The following SPAG16 variants were observed in gnomAD, a reference collection of about 807,000 sequenced individuals.
The protein encoded by SPAG16 is sperm-associated antigen 16 protein.
A neutral mutation model predicts 80.4 loss-of-function variants in SPAG16; 86 were observed. The ratio of observed to expected loss-of-function variants is 1.07; its 90% CI spans 0.90 to 1.28. SPAG16 has a LOEUF of 1.28. Among genes scored for constraint, SPAG16 ranks in the 50% most tolerant of loss-of-function variants. The probability of loss-of-function intolerance (pLI) is 0.00; values close to 1 mark genes in which losing one functional copy is unlikely to be tolerated. For synonymous variants in SPAG16, 294 were observed against 265.9 expected, an observed-to-expected ratio of 1.11 and a Z score of -1.03; for missense variants, 870 against 765.3, an observed-to-expected ratio of 1.14 and a Z score of -1.61.
chr2:214,249,921 T>G (rs1416814392), intron 15 of SPAG16: 1 of 152,190 alleles, frequency 6.6e-6, no homozygotes, highest in East Asian at 1.9e-4. Flanking sequence ...AAGTTTATTT[T>G]TCACTCACGT....
intron 10 of SPAG16, among the ~76,000 whole-genome samples, chr2:213,718,692 T>C (rs879146808): frequency 6.6e-6 from 1 of 152,212 alleles, no homozygotes; most frequent in African/African-American, 2.4e-5. Context: ...ACCTGCGCTG[T>C]GCTCGATTTC....
At chr2:213,645,106 G>A (rs13008301) in intron 10 of SPAG16, among the ~76,000 whole-genome samples, 49,416 of 151,992 alleles carry the variant, frequency 0.33, 8,470 homozygotes, top group Middle Eastern at 0.47. Context: ...TCCAAAGGCA[G>A]AGGAGCCTCA....
chr2:213,582,197 A>C (rs2060320203), intron 10 of SPAG16, among the ~76,000 whole-genome samples: 1 of 152,160 alleles, frequency 6.6e-6, no homozygotes, highest in Non-Finnish European at 1.5e-5. Context: ...GATACTATCC[A>C]AAACTTTTTC....
intron 11 of SPAG16, among the ~76,000 whole-genome samples, chr2:213,914,337 T>G (rs910521263): frequency 3.9e-5 from 6 of 152,164 alleles, no homozygotes; most frequent in Admixed American, 3.3e-4. Context: ...TTTATACTTC[T>G]GTAAAAATCT....
intron 12 of SPAG16, among the ~76,000 whole-genome samples, chr2:213,947,359 C>T (rs189786311): frequency 2.0e-4 from 31 of 152,244 alleles, no homozygotes; most frequent in African/African-American, 7.0e-4. Context: ...GCATTTATTA[C>T]TATCAGTATT....
At chr2:213,527,714 T>G (rs532824718) in intron 10 of SPAG16, among the ~76,000 whole-genome samples, 2 of 152,228 alleles carry the variant, frequency 1.3e-5, no homozygotes, top group East Asian at 3.9e-4. Flanking sequence ...GACAACAATT[T>G]AAGTGAAACG....
intron 9 of SPAG16, among the ~76,000 whole-genome samples, chr2:213,387,300 G>A (rs959624676): frequency 6.6e-6 from 1 of 151,280 alleles, no homozygotes; most frequent in Non-Finnish European, 1.5e-5. Context: ...AGGTGAAAAA[G>A]CACTATTATT....
At chr2:213,549,367 A>G (rs2125938483) in intron 10 of SPAG16, among the ~76,000 whole-genome samples, 1 of 152,236 alleles carries the variant, frequency 6.6e-6, no homozygotes, top group Admixed American at 6.5e-5. Flanking sequence ...AGGTATTTTA[A>G]TAGTTAATTT....
chr2:213,605,825 A>G (rs112899141), intron 10 of SPAG16, among the ~76,000 whole-genome samples: 34 of 152,288 alleles, frequency 2.2e-4, no homozygotes, highest in Admixed American at 9.1e-4. Flanking sequence ...TTAGGGCATA[A>G]TTTACATATA....
intron 10 of SPAG16, among the ~76,000 whole-genome samples, chr2:213,499,142 T>C (rs2074629126): frequency 6.6e-6 from 1 of 152,164 alleles, no homozygotes; most frequent in African/African-American, 2.4e-5. Context: ...ATGCTCTATA[T>C]TCAATGAAAT....
chr2:214,074,772 A>G (rs908814776), intron 13 of SPAG16, among the ~76,000 whole-genome samples: 4 of 152,194 alleles, frequency 2.6e-5, no homozygotes, highest in African/African-American at 4.8e-5. Context: ...GGACTAATAA[A>G]TATATTAAAA....
intron 10 of SPAG16, among the ~76,000 whole-genome samples, chr2:213,833,775 G>A (rs978154495): frequency 2.1e-4 from 31 of 148,068 alleles, no homozygotes; most frequent in East Asian, 8.1e-4. Context: ...CATCTCCCAT[G>A]ATAAATGTAT....
intron 10 of SPAG16, among the ~76,000 whole-genome samples, chr2:213,771,025 T>C (rs2069214694): frequency 6.6e-6 from 1 of 152,200 alleles, no homozygotes; most frequent in Admixed American, 6.5e-5. Context: ...TCTAGGTCTA[T>C]GAGGAATCAC....
intron 15 of SPAG16, among the ~76,000 whole-genome samples, chr2:214,243,314 GA>G (rs1245895521): frequency 6.6e-6 from 1 of 151,952 alleles, no homozygotes; most frequent in African/African-American, 2.4e-5. Context: ...ACGATTTGAA[GA>G]AAACAAACTT....
chr2:214,198,500 G>T (rs1415120985), intron 15 of SPAG16, among the ~76,000 whole-genome samples: 1 of 151,930 alleles, frequency 6.6e-6, no homozygotes, highest in Non-Finnish European at 1.5e-5. Context: ...TTAATTTGTT[G>T]GTTGGTAGAC....
At chr2:214,239,977 C>T (rs1193336869) in intron 15 of SPAG16, 1 of 152,178 alleles carries the variant, frequency 6.6e-6, no homozygotes, top group Admixed American at 6.5e-5. Context: ...TCATTACATC[C>T]TCCACCATCA....
rs11895844 is a variant in SPAG16, at chr2:214,275,741, A to T, written c.1720+126475A>T. Among the ~76,000 whole-genome samples, 1,031 of 152,204 alleles carry T rather than the reference A, an allele frequency of 6.8e-3. 8 individuals carry two copies. Among genetic ancestry groups the T allele is most frequent in the African/African-American group, 0.024 (986 of 41,534 alleles). ...TGTGGTCAGTTTTGGAATAAGTGGG[A>T]TGTGGTGCTAAGAAGAATGTATATT... On this transcript the variant is annotated intron_variant, in intron 15 of 15. Transcript: ENST00000331683.
chr2:214,056,772 T>G (rs941482697), intron 13 of SPAG16, among the ~76,000 whole-genome samples: 1 of 152,196 alleles, frequency 6.6e-6, no homozygotes, highest in Non-Finnish European at 1.5e-5. Flanking sequence ...ACAGTAGAAA[T>G]TCTTTAAAAA....
intron 10 of SPAG16, among the ~76,000 whole-genome samples, chr2:213,753,148 G>A (rs913648162): frequency 2.0e-5 from 3 of 152,112 alleles, no homozygotes; most frequent in Non-Finnish European, 4.4e-5. Flanking sequence ...GAGTAGCTGG[G>A]ACTACAGGTG....
Sources: allele counts gnomAD v4.1 joint callset (sites outside exome capture counted in the v4.1 genomes callset), GRCh38; gene constraint gnomAD v4.1.1; transcripts MANE v1.5; gene names NCBI Gene and HGNC (gene_info 2026-07-23, HGNC 2026-07-21).